The following FBLN5 variants were observed in gnomAD, a reference collection of about 807,000 sequenced individuals.
FBLN5 encodes the protein fibulin 5.
FBLN5 carries 24 observed loss-of-function variants against 61.6 expected under a neutral mutation model. The ratio of observed to expected loss-of-function variants is 0.39; its 90% CI spans 0.28 to 0.55. FBLN5 has a LOEUF of 0.55. Among genes scored for constraint, FBLN5 ranks in the 20% least tolerant of loss-of-function variants. FBLN5 has a pLI of 0.65. For synonymous variants in FBLN5, 213 were observed against 219.8 expected (o/e 0.97, Z 0.27); for missense variants, 470 against 594.1 (o/e 0.79, Z 2.17).
At chr14:91,906,254 C>A (rs1478928741) in intron 4 of FBLN5, among the ~76,000 whole-genome samples, 4 of 152,152 alleles carry the variant, frequency 2.6e-5, no homozygotes, top group Admixed American at 6.5e-5. Flanking sequence ...CGCTTCTACC[C>A]CAGTAGGGTC....
At chr14:91,930,025 C>T (rs1432770540) in intron 4 of FBLN5, among the ~76,000 whole-genome samples, 8 of 152,172 alleles carry the variant, frequency 5.3e-5, no homozygotes, top group Non-Finnish European at 1.5e-5. Context: ...CAACTTTCAA[C>T]TCCCTAAACG....
At chr14:91,876,574 G>A (rs924143646) in intron 10 of FBLN5, among the ~76,000 whole-genome samples, 4 of 152,192 alleles carry the variant, frequency 2.6e-5, no homozygotes, top group Non-Finnish European at 5.9e-5. Flanking sequence ...AGGAGACAAA[G>A]GGAGATTTGA....
intron 4 of FBLN5, among the ~76,000 whole-genome samples, chr14:91,910,127 G>A (rs1890857276): frequency 6.6e-6 from 1 of 152,166 alleles, no homozygotes; most frequent in Non-Finnish European, 1.5e-5. Flanking sequence ...CAACCCAAAT[G>A]TCTATTAGCC....
At position 91,943,922 on chromosome 14, in the gene FBLN5, C is replaced by G. The variant is rs928124320; in HGVS notation, c.18-961G>C. Among the ~76,000 whole-genome samples the G allele has an allele frequency of 5.3e-5, 8 of 152,222 alleles. No homozygotes were observed. The highest frequency in any genetic ancestry group is 8.8e-5 in the Non-Finnish European group (6 of 68,044). On this transcript the variant is annotated intron_variant, in intron 1 of 10. Coordinates refer to ENST00000342058, the MANE Select transcript of FBLN5 (RefSeq NM_006329.4). The surrounding 1 kb of genome is among the most constrained non-coding windows in gnomAD (Gnocchi z 4.0). ...AAAACAGGAGGAGGAGTCACGCACC[C>G]TGGGCTCAGTTCTGCCATGCACAAG...
chr14:91,937,063 T>C lies in FBLN5; in HGVS notation c.263A>G (p.Tyr88Cys), dbSNP rs775625597. The part of the protein sequence containing the change: ...GPYSNPYSTP[Y>C]SGPYPAAAPP... Reference sequence around the variant, plus strand: ...GGCAGCTGCTGGGTACGGACCTGAGTAGGGGGTCGAGTAGGGGTTCGAGTA... The same window carrying C: ...GGCAGCTGCTGGGTACGGACCTGAGCAGGGGGTCGAGTAGGGGTTCGAGTA... The change falls in exon 4 of 11, where the codon TAC becomes TGC. Residue 88 changes from tyrosine to cysteine, a missense_variant. Transcript: ENST00000342058. The C allele has an allele frequency of 6.2e-7, 1 of 1,613,358 alleles. No homozygotes were observed. Among genetic ancestry groups the C allele is most frequent in the Non-Finnish European group, 8.5e-7 (1 of 1,179,812 alleles).
intron 4 of FBLN5, among the ~76,000 whole-genome samples, chr14:91,909,957 C>G (rs567913663): frequency 1.3e-5 from 2 of 152,220 alleles, no homozygotes; most frequent in East Asian, 3.8e-4. Flanking sequence ...CTATGGAAAA[C>G]TGTATGGTGG....
At chr14:91,895,797 CAAAAAAAAAAAA>C (rs60216411) in intron 4 of FBLN5, among the ~76,000 whole-genome samples, 1 of 63,500 alleles carries the variant, frequency 1.6e-5, no homozygotes, top group South Asian at 6.8e-4. Context: ...GACCCTGTCT[CAAAAAAAAAAAA>C]AAAAAAAAAA....
intron 4 of FBLN5, among the ~76,000 whole-genome samples, chr14:91,909,363 T>C (rs1890823083): frequency 6.6e-6 from 1 of 152,190 alleles, no homozygotes; most frequent in Admixed American, 6.5e-5. Flanking sequence ...GCACAGTGCC[T>C]AATACAGAAT....
rs539031066 is a variant in FBLN5 at position 91,899,953 on chromosome 14, C to T, written c.380-4881G>A. On this transcript the variant is annotated intron_variant, in intron 4 of 10. Transcript: ENST00000342058. The stretch of plus-strand genomic sequence containing the variant: ...AAATGAACAGAACCTTCCATTGTGA[C>T]TCACGGACAGCACAGGAAAGGGCCA... Among the ~76,000 whole-genome samples, 5 of 152,346 alleles carry T rather than the reference C, an allele frequency of 3.3e-5. No individual in the cohort carries two copies. The South Asian group carries it at 1.0e-3, about 32-fold the overall frequency.
chr14:91,907,936 C>A (rs1036606028), intron 4 of FBLN5, among the ~76,000 whole-genome samples: 10 of 151,970 alleles, frequency 6.6e-5, no homozygotes, highest in African/African-American at 2.2e-4. Context: ...TAGCTTCAAT[C>A]AGAACAATTT....
intron 4 of FBLN5, among the ~76,000 whole-genome samples, chr14:91,926,224 G>A (rs1238018435): frequency 6.6e-6 from 1 of 152,136 alleles, no homozygotes; most frequent in Non-Finnish European, 1.5e-5. Context: ...GCACCTGCCT[G>A]CCCTCGGTGC....
chr14:91,916,710 GT>G (rs1158877850), intron 4 of FBLN5, among the ~76,000 whole-genome samples: 1 of 152,148 alleles, frequency 6.6e-6, no homozygotes, highest in African/African-American at 2.4e-5. Context: ...CCTTTAGTGA[GT>G]GAGTGCATCC....
Position 91,946,818 on chromosome 14 carries a change from G to T in FBLN5, c.17+395C>A. ...CCCGCGGTGTTCAGCTAGCCTGTCTGCTTGTCTATCAGCCGATGCGGCGCA... is the reference window on the plus strand; with the variant it reads ...CCCGCGGTGTTCAGCTAGCCTGTCTTCTTGTCTATCAGCCGATGCGGCGCA... On this transcript the variant is annotated intron_variant, in intron 1 of 10. Coordinates refer to ENST00000342058, the MANE Select transcript of FBLN5 (RefSeq NM_006329.4). 3 of 1,532,230 alleles carry T rather than the reference G, an allele frequency of 2.0e-6. No homozygotes were observed. The South Asian group carries it at 3.6e-5, about 18-fold the overall frequency. 94.9% of individuals were successfully genotyped at this position (1,532,230 alleles called of 1,614,324 possible).
At position 91,870,520 on chromosome 14, in the gene FBLN5, T is replaced by A; in HGVS notation, c.1186-135A>T. ...CCTCAACTGTGCCATGCTCTTTCCC[T>A]GGCTTTGCCCACTCTCCACCTGGTT... is the stretch of plus-strand genomic sequence containing the variant. On this transcript the variant is annotated intron_variant, in intron 10 of 10. Coordinates refer to ENST00000342058, the MANE Select transcript of FBLN5 (RefSeq NM_006329.4). 7.1e-6 allele frequency: 6 copies of A among 844,098 alleles called. 1 individual carries two copies. In the South Asian group the frequency reaches 8.6e-5, roughly 12 times the overall value. 52.3% of individuals were successfully genotyped at this position (844,098 alleles called of 1,614,324 possible). A position where few individuals can be genotyped will look rare whatever the true frequency, so the allele number is the denominator to read the frequency against.
At chr14:91,884,094 G>A (rs1889615103) in intron 7 of FBLN5, among the ~76,000 whole-genome samples, 1 of 152,210 alleles carries the variant, frequency 6.6e-6, no homozygotes, top group Non-Finnish European at 1.5e-5. Flanking sequence ...ACTGGTGGCT[G>A]GAGTCACCCA....
chr14:91,893,258 T>C (rs936264696), intron 5 of FBLN5, among the ~76,000 whole-genome samples: 4 of 152,244 alleles, frequency 2.6e-5, no homozygotes, highest in Non-Finnish European at 5.9e-5. Context: ...AAATTCGACA[T>C]ATTAAGTTCC....
At chr14:91,915,073 T>C (rs562593982) in intron 4 of FBLN5, among the ~76,000 whole-genome samples, 2 of 151,822 alleles carry the variant, frequency 1.3e-5, no homozygotes, top group African/African-American at 4.8e-5. Flanking sequence ...GGCAGGAGAA[T>C]CACTTGAACC....
chr14:91,907,642 C>T (rs560132628), intron 4 of FBLN5, among the ~76,000 whole-genome samples: 2 of 151,702 alleles, frequency 1.3e-5, no homozygotes, highest in East Asian at 3.9e-4. Context: ...ATAAAGGCAT[C>T]GTGTGCCAAG....
At chr14:91,939,797 C>T (rs537912723) in intron 3 of FBLN5, 20 of 377,586 alleles carry the variant, frequency 5.3e-5, no homozygotes, top group East Asian at 4.4e-4. Context: ...TTGGGTTACA[C>T]GGCAAAGGGG....
Sources: allele counts gnomAD v4.1 joint callset (sites outside exome capture counted in the v4.1 genomes callset), GRCh38; gene constraint gnomAD v4.1.1; non-coding constraint Gnocchi (gnomAD v3.1); transcripts MANE v1.5; gene names NCBI Gene and HGNC (gene_info 2026-07-23, HGNC 2026-07-21).